Variants in XRCC1 observed in about 807,000 individuals in gnomAD.
XRCC1 encodes X-ray repair cross complementing 1.
A neutral mutation model predicts 83.3 loss-of-function variants in XRCC1; 52 were observed. The observed-to-expected ratio is 0.62, with a 90% CI of 0.50 to 0.79. The LOEUF is 0.79. XRCC1 is among the 30% of genes least tolerant of loss of function. The pLI, the probability that XRCC1 is intolerant of heterozygous loss-of-function variation, is 0.00. For missense variants in XRCC1, 793 were observed against 823.5 expected, an observed-to-expected ratio of 0.96 and a Z score of 0.45; for synonymous variants, 281 against 312.6, an observed-to-expected ratio of 0.90 and a Z score of 1.07.
intron 2 of XRCC1, among the ~76,000 whole-genome samples, chr19:43,568,313 A>T (rs1339903744): frequency 6.6e-6 from 1 of 152,080 alleles, no homozygotes; most frequent in Non-Finnish European, 1.5e-5. Flanking sequence ...CCTGGCTAAC[A>T]TGGGGAAACC....
intron 14 of XRCC1, among the ~76,000 whole-genome samples, chr19:43,545,377 C>T (rs1046304325): frequency 3.3e-5 from 5 of 152,208 alleles, no homozygotes; most frequent in African/African-American, 1.2e-4. Flanking sequence ...CATCCACGTC[C>T]AGAGTGATGG....
chr19:43,571,340 C>A (rs1456681783), intron 2 of XRCC1, among the ~76,000 whole-genome samples: 1 of 152,142 alleles, frequency 6.6e-6, no homozygotes, highest in Non-Finnish European at 1.5e-5. Context: ...GAGGCCTTCC[C>A]GGACCCTACT....
intron 6 of XRCC1, 126 bp downstream of exon 6, chr19:43,553,275 G>T (rs1051955455): frequency 5.8e-6 from 7 of 1,216,590 alleles, no homozygotes; most frequent in Middle Eastern, 5.5e-4. Flanking sequence ...TGAGACCCAG[G>T]AGTCCAGGAC....
At chr19:43,543,717 G>A in intron 15 of XRCC1, 30 bp from the exon 16 acceptor site, 1 of 1,605,648 alleles carries the variant, frequency 6.2e-7, no homozygotes, top group Non-Finnish European at 8.5e-7. Context: ...GAGGTAGAAG[G>A]CACATCAGGG....
rs111857343 is a variant in XRCC1, at chr19:43,553,052, G to A, written c.641C>T (p.Ala214Val). Residue 214 changes from alanine to valine, a missense_variant, in exon 7 of 17, where the codon GCT becomes GTT. By Grantham distance (64) the Ala-to-Val change is moderately conservative (BLOSUM62 0). Transcript: ENST00000262887. ...SDPAGPSYAA[A>V]TLQASSAASS... is the part of the protein sequence containing the mutation. Reference sequence around the variant, plus strand: ...GGCAGCACTAGAAGCCTGGAGGGTAGCAGCTGCATAGCTAGGTCCTGCTGG... The same window carrying A: ...GGCAGCACTAGAAGCCTGGAGGGTAACAGCTGCATAGCTAGGTCCTGCTGG... The A allele has an allele frequency of 2.5e-6, 4 of 1,594,962 alleles. No homozygotes were observed. Among genetic ancestry groups the A allele is most frequent in the Non-Finnish European group, 2.6e-6 (3 of 1,170,872 alleles).
intron 2 of XRCC1, among the ~76,000 whole-genome samples, chr19:43,571,866 T>C (rs1179823807): frequency 6.6e-6 from 1 of 152,226 alleles, no homozygotes; most frequent in Non-Finnish European, 1.5e-5. Context: ...ACTTAATAAA[T>C]ACTTGACTAA....
rs144412719 is a variant in XRCC1, at chr19:43,544,161, G to A, written c.1695C>T (p.Tyr565=). The change falls in exon 15 of 17, where the codon TAC becomes TAT. Residue 565 remains tyrosine, a synonymous_variant. Transcript: ENST00000262887. ...PGDERRKLIR[Y]VTAFNGELED... is the part of the protein sequence containing the mutation. ...AGACTCACCCATTGAAGGCTGTGAC[G>A]TATCGGATGAGTTTCCGCCGCTCGT... is the stretch of plus-strand genomic sequence containing the variant. The A allele has an allele frequency of 1.7e-5, 28 of 1,609,050 alleles. No homozygotes were observed. The highest frequency in any genetic ancestry group is 7.8e-5 in the South Asian group (7 of 89,854).
At chr19:43,574,736 G>A in intron 2 of XRCC1, 174 bp downstream of exon 2, 1 of 601,922 alleles carries the variant, frequency 1.7e-6, no homozygotes, top group South Asian at 1.9e-5. Context: ...TAATCCTTGG[G>A]TCTCCTTTCC....
chr19:43,551,536 A>C (rs1259083748), intron 10 of XRCC1, 35 bp downstream of exon 10: 2 of 1,564,386 alleles, frequency 1.3e-6, no homozygotes. Context: ...TGCCCAGCAC[A>C]GGATAAGGAG....
chr19:43,546,163 G>T, intron 12 of XRCC1, 57 bp from the exon 13 acceptor site: 1 of 1,598,132 alleles, frequency 6.3e-7, no homozygotes, highest in Non-Finnish European at 8.6e-7. Context: ...AAGACTGGCA[G>T]CTCTCCCAGT....
intron 10 of XRCC1, among the ~76,000 whole-genome samples, chr19:43,548,090 C>A (rs1015076482): frequency 1.3e-4 from 18 of 134,894 alleles, no homozygotes; most frequent in African/African-American, 5.1e-4. Context: ...GGGCCAGCCG[C>A]CCCATCCGGG....
chr19:43,548,217 G>A (rs1363372777), intron 10 of XRCC1, among the ~76,000 whole-genome samples: 2 of 151,904 alleles, frequency 1.3e-5, no homozygotes, highest in East Asian at 1.9e-4. Context: ...CTGCCCGGCC[G>A]CCCCTTCTGG....
chr19:43,544,850 G>GC (rs1972493181), intron 14 of XRCC1, among the ~76,000 whole-genome samples: 1 of 151,566 alleles, frequency 6.6e-6, no homozygotes, highest in Non-Finnish European at 1.5e-5. Flanking sequence ...GTCGGGGGGG[G>GC]TCTCACTATG....
intron 3 of XRCC1, among the ~76,000 whole-genome samples, chr19:43,558,343 A>G (rs1972660315): frequency 6.6e-6 from 1 of 151,466 alleles, no homozygotes; most frequent in Admixed American, 6.6e-5. Context: ...TCAAAAAAAA[A>G]AGAGTAGGCC....
At chr19:43,572,927 C>CTTTTTTTTTTTTTT (rs1015971628) in intron 2 of XRCC1, among the ~76,000 whole-genome samples, 1 of 91,150 alleles carries the variant, frequency 1.1e-5, no homozygotes, top group Admixed American at 1.2e-4. Context: ...GAGATCTTTT[C>CTTTTTTTTTTTTTT]TTTTTTTTTT....
intron 10 of XRCC1, 131 bp from the exon 11 acceptor site, chr19:43,547,108 C>A: frequency 1.1e-6 from 1 of 871,508 alleles, no homozygotes; most frequent in East Asian, 2.7e-5. Context: ...CCAGCCCATT[C>A]TCTCCCAGCT....
At chr19:43,561,588 A>T (rs955985655) in intron 2 of XRCC1, among the ~76,000 whole-genome samples, 2 of 152,224 alleles carry the variant, frequency 1.3e-5, no homozygotes, top group Non-Finnish European at 2.9e-5. Flanking sequence ...CATGCACATA[A>T]ATAATGGCCA....
intron 2 of XRCC1, among the ~76,000 whole-genome samples, chr19:43,565,339 T>G (rs1489968469): frequency 6.6e-6 from 1 of 152,134 alleles, no homozygotes; most frequent in Non-Finnish European, 1.5e-5. Context: ...GTTTCACAGA[T>G]GGGGAAACTG....
At chr19:43,548,658 C>G (rs1342941228) in intron 10 of XRCC1, among the ~76,000 whole-genome samples, 5 of 151,348 alleles carry the variant, frequency 3.3e-5, no homozygotes, top group African/African-American at 1.2e-4. Context: ...GGTCCTCTGC[C>G]TAGGAAAGCC....
Sources: allele counts gnomAD v4.1 joint callset (sites outside exome capture counted in the v4.1 genomes callset), GRCh38; gene constraint gnomAD v4.1.1; transcripts MANE v1.5; gene names NCBI Gene and HGNC (gene_info 2026-07-23, HGNC 2026-07-21).